KLHL3: variants seen among roughly 807,000 people sequenced by gnomAD.
KLHL3 encodes kelch-like protein 3.
In KLHL3, 19 loss-of-function variants were observed where a neutral mutation model predicts 70.5. That is an observed-to-expected ratio of 0.27 (90% CI 0.19 to 0.40). KLHL3 has a LOEUF of 0.40. Among genes scored for constraint, KLHL3 ranks in the 10% least tolerant of loss-of-function variants. The pLI is 1.00. For synonymous variants in KLHL3, 258 were observed against 290.3 expected, an observed-to-expected ratio of 0.89 and a Z score of 1.13; for missense variants, 512 against 771.1, an observed-to-expected ratio of 0.66 and a Z score of 3.98.
chr5:137,694,042 G>T (rs1372843849), intron 4 of KLHL3, among the ~76,000 whole-genome samples: 1 of 151,848 alleles, frequency 6.6e-6, no homozygotes, highest in Non-Finnish European at 1.5e-5. Flanking sequence ...AGGACTGGGG[G>T]TTTCCCAGGA....
chr5:137,675,850 G>A (rs1414718481), intron 6 of KLHL3, among the ~76,000 whole-genome samples: 2 of 152,130 alleles, frequency 1.3e-5, no homozygotes, highest in African/African-American at 4.8e-5. Context: ...GTTTATATGA[G>A]TGCTTCCATT....
chr5:137,698,405 T>C lies in KLHL3; in HGVS notation c.245A>G (p.Asp82Gly). The change falls in exon 4 of 15, where the codon GAC (aspartate) becomes GGC (glycine). Residue 82 changes from aspartate (D) to glycine (G), a missense_variant. By Grantham distance (94) the Asp-to-Gly change is moderately conservative (BLOSUM62 -1). Transcript: ENST00000309755. ...CTTTTTGGCTTTACTCTCAGACATG[T>C]CACCTAGAGTTTACAACAAAAACAA... ...SPYFCAMFTG[D>G]MSESKAKKIE... The C allele has an allele frequency of 6.2e-7, 1 of 1,614,132 alleles. No individual in the cohort carries two copies. Among genetic ancestry groups the C allele is most frequent in the South Asian group, 1.1e-5 (1 of 91,078 alleles).
At chr5:137,732,417 G>A (rs17797089) in intron 1 of KLHL3, among the ~76,000 whole-genome samples, 2,081 of 151,054 alleles carry the variant, frequency 0.014, 33 homozygotes, top group Non-Finnish European at 0.021. Context: ...GAACAAACAT[G>A]CATCCAGCCC....
chr5:137,695,407 T>C (rs961792825), intron 4 of KLHL3, among the ~76,000 whole-genome samples: 3 of 152,156 alleles, frequency 2.0e-5, no homozygotes, highest in African/African-American at 7.2e-5. Context: ...TCCCTCTCTT[T>C]GACTCTGAGA....
intron 2 of KLHL3, among the ~76,000 whole-genome samples, chr5:137,716,062 A>T (rs191903004): frequency 2.2e-4 from 34 of 152,218 alleles, no homozygotes; most frequent in African/African-American, 8.2e-4. Flanking sequence ...TATTTATATG[A>T]GGAACTGGGA....
At chr5:137,660,083 C>G (rs1236229408) in intron 7 of KLHL3, among the ~76,000 whole-genome samples, 20 of 152,102 alleles carry the variant, frequency 1.3e-4, no homozygotes, top group Admixed American at 1.3e-3. Context: ...AATGAAACAT[C>G]CTATTCCAGA....
chr5:137,631,148 TCA>T (rs1363265785), intron 12 of KLHL3, among the ~76,000 whole-genome samples: 13 of 147,502 alleles, frequency 8.8e-5, no homozygotes, highest in Non-Finnish European at 1.8e-4. Flanking sequence ...TTCTCAGAAG[TCA>T]CACAGTCTTC....
intron 1 of KLHL3, among the ~76,000 whole-genome samples, chr5:137,729,357 C>T (rs1272576408): frequency 2.0e-5 from 3 of 152,198 alleles, no homozygotes; most frequent in South Asian, 2.1e-4. Context: ...AGAAAGCCCT[C>T]GGTCCAACCC....
At chr5:137,654,460 G>A (rs1460551998) in intron 8 of KLHL3, among the ~76,000 whole-genome samples, 1 of 152,180 alleles carries the variant, frequency 6.6e-6, no homozygotes, top group Non-Finnish European at 1.5e-5. Flanking sequence ...GAATAGGACA[G>A]ACCTATTGCT....
chr5:137,635,298 A>G (rs565080812), intron 11 of KLHL3, among the ~76,000 whole-genome samples: 1 of 152,102 alleles, frequency 6.6e-6, no homozygotes, highest in Admixed American at 6.5e-5. Context: ...TCTAAAAGAA[A>G]GAAACACATC....
Position 137,621,777 on chromosome 5 carries a change from TACACAC to T in KLHL3, c.*315_*320del, listed in dbSNP as rs3839339. 605 of 306,856 alleles carry T rather than the reference TACACAC, an allele frequency of 2.0e-3. No individual in the cohort carries two copies. Among genetic ancestry groups the T allele is most frequent in the South Asian group, 2.6e-3 (29 of 11,084 alleles). 19.0% of individuals were successfully genotyped at this position (306,856 alleles called of 1,614,324 possible). On this transcript the variant is annotated 3_prime_UTR_variant, in exon 15 of 15. Transcript: ENST00000309755. ...AGAAACATAGAGAAACACCATGGTC[TACACAC>T]ACACACACACACACACACACTCCAG...
chr5:137,701,155 C>T (rs1752559115), intron 3 of KLHL3, among the ~76,000 whole-genome samples: 1 of 152,126 alleles, frequency 6.6e-6, no homozygotes, highest in Admixed American at 6.5e-5. Flanking sequence ...ACCTCAGCCT[C>T]CCGAGTAGCT....
intron 13 of KLHL3, among the ~76,000 whole-genome samples, chr5:137,626,593 A>G (rs969977112): frequency 2.0e-5 from 3 of 152,216 alleles, no homozygotes; most frequent in Non-Finnish European, 2.9e-5. Context: ...GATTGGTGAT[A>G]CTCTAAAAAG....
chr5:137,631,429 G>A (rs1174441113), intron 12 of KLHL3, among the ~76,000 whole-genome samples: 2 of 148,844 alleles, frequency 1.3e-5, no homozygotes, highest in Non-Finnish European at 2.9e-5. Context: ...ATAGGTTGAA[G>A]TGAGGAAAAG....
At chr5:137,663,987 G>A (rs1751550999) in intron 6 of KLHL3, among the ~76,000 whole-genome samples, 1 of 152,130 alleles carries the variant, frequency 6.6e-6, no homozygotes, top group Admixed American at 6.5e-5. Context: ...ATATACATGT[G>A]TCAAAACTAA....
At chr5:137,669,200 T>G (rs547318744) in intron 6 of KLHL3, among the ~76,000 whole-genome samples, 1 of 152,224 alleles carries the variant, frequency 6.6e-6, no homozygotes, top group East Asian at 1.9e-4. Flanking sequence ...CACAGCACAC[T>G]GCACATTTCA....
chr5:137,662,978 T>C (rs72800072), intron 6 of KLHL3, among the ~76,000 whole-genome samples: 1 of 150,396 alleles, frequency 6.6e-6, no homozygotes, highest in Non-Finnish European at 1.5e-5. Flanking sequence ...CAACCTAAAG[T>C]CCACTAATAG....
chr5:137,677,146 T>C (rs901601365), intron 6 of KLHL3, among the ~76,000 whole-genome samples: 3 of 152,172 alleles, frequency 2.0e-5, no homozygotes, highest in Admixed American at 2.0e-4. Context: ...TGTTTTTCTC[T>C]GAAAGAAAAG....
At chr5:137,672,550 C>T (rs115873761) in intron 6 of KLHL3, 1 of 152,290 alleles carries the variant, frequency 6.6e-6, no homozygotes, top group African/African-American at 2.4e-5. Context: ...TTCTTCCTGA[C>T]CGGTATCTAA....
Sources: gnomAD v4.1 joint callset for allele counts (sites outside exome capture counted in the v4.1 genomes callset) on GRCh38, gnomAD v4.1.1 for gene constraint, MANE v1.5 for transcripts, NCBI Gene and HGNC (gene_info 2026-07-23, HGNC 2026-07-21) for gene names.